Variants in GPC6 observed in about 807,000 individuals in gnomAD.
GPC6 encodes glypican-6.
A neutral mutation model predicts 55.2 loss-of-function variants in GPC6; 14 were observed. The observed-to-expected ratio is 0.25, with a 90% confidence interval of 0.17 to 0.40. The LOEUF is 0.40. Among genes scored for constraint, GPC6 ranks in the 10% least tolerant of loss-of-function variants. The pLI, the probability that GPC6 is intolerant of heterozygous loss-of-function variation, is 1.00. For missense variants in GPC6, 641 were observed against 708.5 expected, an observed-to-expected ratio of 0.90 and a Z score of 1.08; for synonymous variants, 278 against 259.6, an observed-to-expected ratio of 1.07 and a Z score of -0.68.
intron 2 of GPC6, among the ~76,000 whole-genome samples, chr13:93,735,445 A>C (rs1229014189): frequency 2.0e-5 from 3 of 151,884 alleles, no homozygotes; most frequent in African/African-American, 7.3e-5. Context: ...AGGCAGGAGA[A>C]TCACTTGAAC....
intron 2 of GPC6, among the ~76,000 whole-genome samples, chr13:93,813,892 T>G (rs1394228702): frequency 6.6e-6 from 1 of 152,098 alleles, no homozygotes; most frequent in East Asian, 1.9e-4. Context: ...ATCATATATG[T>G]ATCATCAATA....
At chr13:93,627,004 CTT>C (rs944585342) in intron 2 of GPC6, among the ~76,000 whole-genome samples, 1 of 151,882 alleles carries the variant, frequency 6.6e-6, no homozygotes, top group African/African-American at 2.4e-5. Flanking sequence ...GTGCTACACA[CTT>C]TTTTTATTAT....
intron 4 of GPC6, among the ~76,000 whole-genome samples, chr13:94,056,780 C>G (rs1011755212): frequency 5.9e-5 from 9 of 152,174 alleles, no homozygotes; most frequent in Non-Finnish European, 1.0e-4. Flanking sequence ...GAAATCCAAT[C>G]TGAGGGGTCA....
intron 3 of GPC6, among the ~76,000 whole-genome samples, chr13:93,981,555 C>T (rs1264634629): frequency 3.3e-5 from 5 of 152,088 alleles, no homozygotes; most frequent in South Asian, 2.1e-4. Context: ...GAAATCCTAT[C>T]GCTCTTTGCA....
chr13:93,718,308 G>A (rs536964599), intron 2 of GPC6, among the ~76,000 whole-genome samples: 2 of 151,818 alleles, frequency 1.3e-5, no homozygotes, highest in Admixed American at 6.6e-5. Context: ...CCATACTAAT[G>A]GACATGAGAT....
At chr13:93,893,570 G>T (rs557824653) in intron 3 of GPC6, among the ~76,000 whole-genome samples, 1 of 152,086 alleles carries the variant, frequency 6.6e-6, no homozygotes, top group Non-Finnish European at 1.5e-5. Context: ...TGTTCAAGTT[G>T]TCCAATCAGC....
At chr13:93,998,125 T>C (rs913799504) in intron 3 of GPC6, among the ~76,000 whole-genome samples, 4 of 152,234 alleles carry the variant, frequency 2.6e-5, no homozygotes, top group African/African-American at 9.6e-5. Context: ...AACGATGTGA[T>C]GTCACTGAAC....
chr13:93,882,149 T>C (rs77174001), intron 3 of GPC6, among the ~76,000 whole-genome samples: 4,173 of 151,976 alleles, frequency 0.027, 107 homozygotes, highest in South Asian at 0.072. Context: ...TTTGTTTTAT[T>C]TTTGTTTTTT....
intron 1 of GPC6, among the ~76,000 whole-genome samples, chr13:93,312,108 T>C (rs2139109781): frequency 6.6e-6 from 1 of 152,344 alleles, no homozygotes; most frequent in Middle Eastern, 3.4e-3. Flanking sequence ...CTATCTTATG[T>C]GAAATTGGCA....
intron 1 of GPC6, among the ~76,000 whole-genome samples, chr13:93,261,495 T>C (rs1028457697): frequency 6.6e-6 from 1 of 152,168 alleles, no homozygotes; most frequent in Non-Finnish European, 1.5e-5. Flanking sequence ...GCAGCATAAA[T>C]ACTGCTTTTT....
chr13:93,926,509 T>C (rs992678761), intron 3 of GPC6, among the ~76,000 whole-genome samples: 1 of 152,164 alleles, frequency 6.6e-6, no homozygotes, highest in Non-Finnish European at 1.5e-5. Context: ...CCCATATATA[T>C]GGGTAAAAAT....
intron 2 of GPC6, among the ~76,000 whole-genome samples, chr13:93,758,967 A>T (rs2138873775): frequency 6.6e-6 from 1 of 152,182 alleles, no homozygotes; most frequent in Admixed American, 6.5e-5. Context: ...CTTAAGTTCT[A>T]ACCTACAGTT....
At chr13:93,517,394 T>G (rs541492815) in intron 1 of GPC6, among the ~76,000 whole-genome samples, 9 of 152,164 alleles carry the variant, frequency 5.9e-5, no homozygotes, top group South Asian at 2.1e-4. Flanking sequence ...CTTGGGAAAA[T>G]TATTCATTTT....
chr13:94,251,044 C>T (rs1345030561), intron 4 of GPC6, among the ~76,000 whole-genome samples: 1 of 151,996 alleles, frequency 6.6e-6, no homozygotes, highest in Non-Finnish European at 1.5e-5. Flanking sequence ...ATAGCAAAGA[C>T]ATGGAACCAA....
intron 6 of GPC6, among the ~76,000 whole-genome samples, chr13:94,327,595 C>T (rs1437328790): frequency 1.3e-5 from 2 of 152,316 alleles, no homozygotes; most frequent in South Asian, 2.1e-4. Context: ...ACGAAACTGA[C>T]ACTTTACTCT....
intron 7 of GPC6, among the ~76,000 whole-genome samples, chr13:94,392,560 G>A (rs1414191555): frequency 6.6e-6 from 1 of 151,750 alleles, no homozygotes; most frequent in East Asian, 1.9e-4. Context: ...CTCCCAAGTA[G>A]CTGGAATTAC....
intron 3 of GPC6, among the ~76,000 whole-genome samples, chr13:93,894,254 T>C (rs977866313): frequency 6.6e-6 from 1 of 152,212 alleles, no homozygotes; most frequent in African/African-American, 2.4e-5. Flanking sequence ...TCTGTGAATA[T>C]TACAATCTGT....
At chr13:94,088,900 G>C (rs74111436) in intron 4 of GPC6, among the ~76,000 whole-genome samples, 1,876 of 152,130 alleles carry the variant, frequency 0.012, 42 homozygotes, top group South Asian at 0.065. Context: ...ACTGCCTGGG[G>C]GTCACTGATA....
At chr13:93,379,477 T>A (rs577631626) in intron 1 of GPC6, among the ~76,000 whole-genome samples, 1 of 152,304 alleles carries the variant, frequency 6.6e-6, no homozygotes, top group African/African-American at 2.4e-5. Flanking sequence ...CATGTAGATT[T>A]CTTATATATG....
Sources: allele counts gnomAD v4.1 joint callset (sites outside exome capture counted in the v4.1 genomes callset), GRCh38; gene constraint gnomAD v4.1.1; transcripts MANE v1.5; gene names NCBI Gene and HGNC (gene_info 2026-07-23, HGNC 2026-07-21).